The following MEMO1 variants were observed in gnomAD, a reference collection of about 807,000 sequenced individuals.
MEMO1 encodes the protein protein MEMO1.
In MEMO1, 6 loss-of-function variants were observed where a neutral mutation model predicts 45.2. That is an observed-to-expected ratio of 0.13 (90% CI 0.07 to 0.26). The LOEUF (loss-of-function observed/expected upper bound fraction) is 0.26, where lower values mean the gene tolerates loss of function less well. Ranked by LOEUF, MEMO1 falls within the 10% of genes least tolerant of loss-of-function variation. MEMO1 has a pLI of 1.00. For synonymous variants in MEMO1, 78 were observed against 124.3 expected (o/e 0.63, Z 2.48); for missense variants, 184 against 370.5 (o/e 0.50, Z 4.13).
chr2:31,934,075 A>G (rs1166486726), intron 3 of MEMO1, among the ~76,000 whole-genome samples: 1 of 152,130 alleles, frequency 6.6e-6, no homozygotes, highest in African/African-American at 2.4e-5. Context: ...TGGACCTTAA[A>G]ACCAGCTGGT....
At chr2:31,885,899 G>A (rs1467675834) in intron 7 of MEMO1, among the ~76,000 whole-genome samples, 1 of 152,120 alleles carries the variant, frequency 6.6e-6, no homozygotes, top group Non-Finnish European at 1.5e-5. Context: ...GGCTGAAGTT[G>A]GTCAACCCAG....
At chr2:31,985,163 G>C (rs948541504) in intron 2 of MEMO1, among the ~76,000 whole-genome samples, 25 of 152,102 alleles carry the variant, frequency 1.6e-4, no homozygotes, top group African/African-American at 6.0e-4. Context: ...TTACAACACA[G>C]TAAAACATGG....
intron 6 of MEMO1, among the ~76,000 whole-genome samples, chr2:31,902,571 C>A (rs1357801050): frequency 1.3e-5 from 2 of 152,018 alleles, no homozygotes; most frequent in African/African-American, 4.8e-5. Flanking sequence ...CTGAAAAAAA[C>A]AGAAAAAACA....
chr2:31,926,613 C>T lies in MEMO1; in HGVS notation c.212+5454G>A, dbSNP rs150476862. 4.7e-3 allele frequency among the ~76,000 whole-genome samples: 710 copies of T among 152,110 alleles called. 2 individuals carry two copies. Among genetic ancestry groups the T allele is most frequent in the African/African-American group, 0.016 (683 of 41,520 alleles). Reference sequence around the variant, plus strand: ...CATGTAATCCCAGCACTTTGGGAGGCCGAGGTGGGTGGATCACCTGAAGTC... The same window carrying T: ...CATGTAATCCCAGCACTTTGGGAGGTCGAGGTGGGTGGATCACCTGAAGTC... On this transcript the variant is annotated intron_variant, in intron 4 of 9. Transcript: ENST00000404530.
At chr2:31,938,144 T>A (rs531278793) in intron 3 of MEMO1, among the ~76,000 whole-genome samples, 1 of 152,170 alleles carries the variant, frequency 6.6e-6, no homozygotes, top group Non-Finnish European at 1.5e-5. Context: ...TTAGAATTCA[T>A]TAAGATAGAA....
At chr2:32,008,606 C>G (rs907822074) in intron 2 of MEMO1, among the ~76,000 whole-genome samples, 3 of 152,118 alleles carry the variant, frequency 2.0e-5, no homozygotes, top group Non-Finnish European at 2.9e-5. Flanking sequence ...AAAACCACTT[C>G]TCTACATGTT....
At chr2:32,006,904 G>A (rs1195985509) in intron 2 of MEMO1, among the ~76,000 whole-genome samples, 1 of 144,786 alleles carries the variant, frequency 6.9e-6, no homozygotes. Context: ...GGTGGAGGCT[G>A]CAGTGAGCCA....
At chr2:31,932,806 G>A (rs180714591) in intron 3 of MEMO1, among the ~76,000 whole-genome samples, 1 of 152,176 alleles carries the variant, frequency 6.6e-6, no homozygotes, top group East Asian at 1.9e-4. Flanking sequence ...TAAACCAACA[G>A]GAAGTCAAGT....
chr2:31,881,626 T>G (rs1675388322), intron 8 of MEMO1, among the ~76,000 whole-genome samples: 2 of 152,062 alleles, frequency 1.3e-5, no homozygotes. Context: ...AACAAATTAT[T>G]TGCATCTGTA....
rs576424929 is a variant in MEMO1 at position 31,913,520 on chromosome 2, T to G, written c.437+4406A>C. On this transcript the variant is annotated intron_variant, in intron 6 of 9. Coordinates refer to ENST00000404530, the MANE Select transcript of MEMO1 (RefSeq NM_001301833.4). Reference sequence around the variant, plus strand: ...TTGTAGCCAAAGATGATTAAGAGTTTTTTTTTTTTTTTATTTTTTGAAAAT... The same window carrying G: ...TTGTAGCCAAAGATGATTAAGAGTTGTTTTTTTTTTTTATTTTTTGAAAAT... Among the ~76,000 whole-genome samples the G allele has an allele frequency of 1.2e-3, 171 of 145,756 alleles. 2 individuals are homozygous for G. The highest frequency in any genetic ancestry group is 2.0e-3 in the Non-Finnish European group (136 of 67,702).
chr2:31,901,136 C>T (rs973777200), intron 6 of MEMO1, among the ~76,000 whole-genome samples: 1 of 151,962 alleles, frequency 6.6e-6, no homozygotes, highest in Admixed American at 6.5e-5. Flanking sequence ...CTCTGGGAAG[C>T]CAAGATGGGC....
At chr2:31,959,945 G>A (rs532374380) in intron 2 of MEMO1, among the ~76,000 whole-genome samples, 98 of 152,306 alleles carry the variant, frequency 6.4e-4, no homozygotes, top group Admixed American at 9.8e-4. Flanking sequence ...TTTCTGGCCT[G>A]GTGTGGTGGT....
At chr2:31,871,184 A>G (rs565044906) in intron 8 of MEMO1, among the ~76,000 whole-genome samples, 1 of 152,206 alleles carries the variant, frequency 6.6e-6, no homozygotes, top group African/African-American at 2.4e-5. Flanking sequence ...TATTCAGTTA[A>G]AACACTTTAT....
At chr2:31,998,713 T>C (rs1672901359) in intron 2 of MEMO1, among the ~76,000 whole-genome samples, 1 of 151,020 alleles carries the variant, frequency 6.6e-6, no homozygotes, top group South Asian at 2.1e-4. Context: ...GACAGGAGAA[T>C]CACTTGAACC....
intron 6 of MEMO1, 40 bp from the exon 7 acceptor site, chr2:31,892,174 G>C (rs909403882): frequency 6.5e-7 from 1 of 1,530,232 alleles, no homozygotes; most frequent in Non-Finnish European, 8.9e-7. Context: ...CATTTAAGAT[G>C]CTTAAATGAA....
chr2:31,872,545 A>G (rs1673934520), intron 8 of MEMO1, among the ~76,000 whole-genome samples: 1 of 152,208 alleles, frequency 6.6e-6, no homozygotes, highest in South Asian at 2.1e-4. Flanking sequence ...CACATTTCAG[A>G]AGACCAAGAA....
intron 6 of MEMO1, among the ~76,000 whole-genome samples, chr2:31,903,180 G>A (rs1455161268): frequency 6.6e-6 from 1 of 151,818 alleles, no homozygotes; most frequent in Non-Finnish European, 1.5e-5. Flanking sequence ...GTATAACATT[G>A]ACGAATATGC....
intron 2 of MEMO1, among the ~76,000 whole-genome samples, chr2:31,955,126 T>C (rs1231168693): frequency 6.6e-6 from 1 of 151,754 alleles, no homozygotes; most frequent in Non-Finnish European, 1.5e-5. Context: ...CCTGTAGTAC[T>C]ACTCCAGGGC....
intron 4 of MEMO1, among the ~76,000 whole-genome samples, chr2:31,927,140 C>A (rs913194958): frequency 2.3e-4 from 35 of 152,014 alleles, no homozygotes; most frequent in Non-Finnish European, 1.5e-5. Context: ...ACCATCCTGG[C>A]CAACATGGTG....
Sources: gnomAD v4.1 joint callset for allele counts (sites outside exome capture counted in the v4.1 genomes callset) on GRCh38, gnomAD v4.1.1 for gene constraint, MANE v1.5 for transcripts, NCBI Gene and HGNC (gene_info 2026-07-23, HGNC 2026-07-21) for gene names.